The following DGKB variants were observed in gnomAD, a reference collection of about 807,000 sequenced individuals.
DGKB encodes the protein diacylglycerol kinase beta, also known as 90 kDa diacylglycerol kinase.
Under a neutral mutation model 114.3 loss-of-function variants are expected in DGKB, and 67 were observed. That is an observed-to-expected ratio of 0.59 (90% CI 0.48 to 0.72). DGKB has a LOEUF of 0.72. Ranked by LOEUF, DGKB falls within the 30% of genes least tolerant of loss-of-function variation. The probability of loss-of-function intolerance (pLI) is 0.00; values close to 1 mark genes in which losing one functional copy is unlikely to be tolerated. For synonymous variants in DGKB, 398 were observed against 323.1 expected, an observed-to-expected ratio of 1.23 and a Z score of -2.49; for missense variants, 907 against 975.2, an observed-to-expected ratio of 0.93 and a Z score of 0.93.
At chr7:14,647,850 G>A (rs1396447452) in intron 13 of DGKB, among the ~76,000 whole-genome samples, 3 of 152,176 alleles carry the variant, frequency 2.0e-5, no homozygotes, top group Non-Finnish European at 2.9e-5. Context: ...AGGGGTCAGG[G>A]AGTTCCCTTT....
At chr7:14,197,139 C>T (rs1785144125) in intron 23 of DGKB, among the ~76,000 whole-genome samples, 1 of 152,024 alleles carries the variant, frequency 6.6e-6, no homozygotes, top group South Asian at 2.1e-4. Flanking sequence ...GAAACCAAAA[C>T]CTCTTTTGTA....
At chr7:14,432,635 T>C (rs368191887) in intron 21 of DGKB, among the ~76,000 whole-genome samples, 8 of 152,188 alleles carry the variant, frequency 5.3e-5, no homozygotes, top group Admixed American at 2.0e-4. Flanking sequence ...TTAAAATTTA[T>C]AGACAGGAAT....
intron 1 of DGKB, among the ~76,000 whole-genome samples, chr7:14,918,971 G>A (rs1267137681): frequency 1.3e-5 from 2 of 151,790 alleles, no homozygotes; most frequent in African/African-American, 2.4e-5. Flanking sequence ...GCTGAGGCAG[G>A]AGAATCGTTT....
intron 25 of DGKB, among the ~76,000 whole-genome samples, chr7:14,157,351 C>G (rs1438178283): frequency 7.0e-6 from 1 of 143,640 alleles, no homozygotes; most frequent in African/African-American, 2.6e-5. Flanking sequence ...TGAAACATAA[C>G]AATTTTCTAA....
At chr7:14,523,708 A>G (rs1790163961) in intron 20 of DGKB, among the ~76,000 whole-genome samples, 1 of 152,168 alleles carries the variant, frequency 6.6e-6, no homozygotes, top group African/African-American at 2.4e-5. Flanking sequence ...ATTATCTGTA[A>G]ACAATAATGA....
chr7:14,817,548 G>T (rs1397076860), intron 2 of DGKB, among the ~76,000 whole-genome samples: 1 of 152,010 alleles, frequency 6.6e-6, no homozygotes, highest in African/African-American at 2.4e-5. Context: ...GTAAACATTG[G>T]GTTTTGATTT....
At chr7:14,555,081 T>C (rs546693907) in intron 20 of DGKB, among the ~76,000 whole-genome samples, 150 of 152,310 alleles carry the variant, frequency 9.8e-4, no homozygotes, top group African/African-American at 3.5e-3. Flanking sequence ...AATATAAGTG[T>C]ATTGCTTCCA....
chr7:14,795,212 G>T (rs1228519512), intron 2 of DGKB, among the ~76,000 whole-genome samples: 1 of 152,170 alleles, frequency 6.6e-6, no homozygotes, highest in Non-Finnish European at 1.5e-5. Context: ...GTGGGATAAT[G>T]GTGGAAGGAA....
At chr7:14,357,250 T>G (rs1179602796) in intron 21 of DGKB, among the ~76,000 whole-genome samples, 1 of 152,202 alleles carries the variant, frequency 6.6e-6, no homozygotes, top group Non-Finnish European at 1.5e-5. Flanking sequence ...TGTGGGTCTC[T>G]AAGGACTTGC....
chr7:14,643,165 G>A lies in DGKB; in HGVS notation c.1135-12897C>T, dbSNP rs1425486064. 2.6e-5 allele frequency among the ~76,000 whole-genome samples: 4 copies of A among 152,128 alleles called. No individual in the cohort carries two copies. In the South Asian group the frequency reaches 8.3e-4, roughly 31 times the overall value. Reference sequence around the variant, plus strand: ...ATGGCACAATAAAAATAAAAGCAAAGCAGCTAGCCAGGATCAGCATAGAGG... The same window carrying A: ...ATGGCACAATAAAAATAAAAGCAAAACAGCTAGCCAGGATCAGCATAGAGG... On this transcript the variant is annotated intron_variant, in intron 13 of 25. Coordinates refer to ENST00000402815, the MANE Select transcript of DGKB (RefSeq NM_001350709.2).
At chr7:14,907,452 A>T (rs1037899287), upstream of DGKB, among the ~76,000 whole-genome samples, 1 of 152,218 alleles carries the variant, frequency 6.6e-6, no homozygotes, top group Non-Finnish European at 1.5e-5. Context: ...CATAGCACCT[A>T]CCCCACAGAG....
chr7:14,341,789 T>C (rs530984338), intron 22 of DGKB, among the ~76,000 whole-genome samples: 2 of 152,008 alleles, frequency 1.3e-5, no homozygotes, highest in Middle Eastern at 6.8e-3. Context: ...TATGTGACTT[T>C]AGTGTTTCAG....
intron 21 of DGKB, among the ~76,000 whole-genome samples, chr7:14,443,089 A>G (rs1321917432): frequency 6.6e-6 from 1 of 152,082 alleles, no homozygotes; most frequent in African/African-American, 2.4e-5. Flanking sequence ...GCATAATAAT[A>G]TGTTGGATGT....
At chr7:14,641,452 A>C (rs965787108) in intron 13 of DGKB, among the ~76,000 whole-genome samples, 2 of 151,954 alleles carry the variant, frequency 1.3e-5, no homozygotes, top group Non-Finnish European at 2.9e-5. Flanking sequence ...TTTAAAATAA[A>C]TTTTCATTGC....
chr7:14,929,838 T>C (rs1587401948), intron 1 of DGKB, among the ~76,000 whole-genome samples: 1 of 152,056 alleles, frequency 6.6e-6, no homozygotes, highest in East Asian at 1.9e-4. Context: ...TTTCTTCTAG[T>C]ATTATTGTAG....
chr7:14,509,468 C>A (rs559990449), intron 20 of DGKB, among the ~76,000 whole-genome samples: 5 of 152,330 alleles, frequency 3.3e-5, no homozygotes, highest in South Asian at 4.1e-4. Context: ...CTGAAACCCA[C>A]TCCCACCCAT....
chr7:14,705,164 T>G (rs1489845342), intron 6 of DGKB, among the ~76,000 whole-genome samples: 2 of 151,686 alleles, frequency 1.3e-5, no homozygotes, highest in Non-Finnish European at 2.9e-5. Context: ...GAGAGCTACG[T>G]GAAGAATGCA....
At chr7:14,241,110 C>A (rs1584666291) in intron 23 of DGKB, among the ~76,000 whole-genome samples, 7 of 152,180 alleles carry the variant, frequency 4.6e-5, no homozygotes, top group African/African-American at 1.7e-4. Context: ...CCTTTCAGAG[C>A]AACTATAAAT....
At chr7:14,616,184 C>G (rs1248796705) in intron 15 of DGKB, among the ~76,000 whole-genome samples, 4 of 148,248 alleles carry the variant, frequency 2.7e-5, no homozygotes, top group African/African-American at 9.8e-5. Context: ...AAAACATTCT[C>G]TCGTATATAC....
Sources: gnomAD v4.1 joint callset for allele counts (sites outside exome capture counted in the v4.1 genomes callset) on GRCh38, gnomAD v4.1.1 for gene constraint, MANE v1.5 for transcripts, NCBI Gene and HGNC (gene_info 2026-07-23, HGNC 2026-07-21) for gene names.